Variants in DNAH5 observed in about 807,000 individuals in gnomAD.
The protein encoded by DNAH5 is axonemal beta dynein heavy chain 5.
In DNAH5, 372 loss-of-function variants were observed where a neutral mutation model predicts 518.2. The observed-to-expected ratio is 0.72, with a 90% CI of 0.66 to 0.78. DNAH5 has a LOEUF of 0.78. DNAH5 is among the 30% of genes least tolerant of loss of function. DNAH5 has a pLI of 0.00. For missense variants in DNAH5, 5,523 were observed against 5,687.0 expected (o/e 0.97, Z 0.93); for synonymous variants, 2,039 against 2,025.9 (o/e 1.01, Z -0.17).
intron 75 of DNAH5, among the ~76,000 whole-genome samples, chr5:13,713,184 C>T (rs1305680335): frequency 2.2e-5 from 3 of 136,244 alleles, no homozygotes; most frequent in Admixed American, 1.5e-4. Context: ...TATATATATA[C>T]GGACATATAT....
chr5:13,779,040 A>G (rs1255988920), intron 53 of DNAH5, among the ~76,000 whole-genome samples: 1 of 152,228 alleles, frequency 6.6e-6, no homozygotes, highest in Non-Finnish European at 1.5e-5. Flanking sequence ...GGCAAGCCAT[A>G]GCCTCTCTGA....
intron 53 of DNAH5, among the ~76,000 whole-genome samples, chr5:13,777,736 C>A (rs975317752): frequency 9.9e-5 from 15 of 152,252 alleles, no homozygotes; most frequent in African/African-American, 3.1e-4. Flanking sequence ...ATAAATTAAA[C>A]TAAAATAAAT....
intron 52 of DNAH5, among the ~76,000 whole-genome samples, chr5:13,783,527 C>T (rs966437142): frequency 2.0e-5 from 3 of 152,106 alleles, no homozygotes; most frequent in Non-Finnish European, 4.4e-5. Context: ...ATTTGTTTAC[C>T]CATAAGCAGC....
intron 78 of DNAH5, among the ~76,000 whole-genome samples, chr5:13,696,059 A>G (rs1170896953): frequency 2.0e-5 from 3 of 152,110 alleles, no homozygotes; most frequent in African/African-American, 4.8e-5. Context: ...TCCCCACCCC[A>G]GGCCCAAATC....
In DNAH5 at chr5:13,820,284, T is replaced by C. The variant is rs1428571433; in HGVS notation, c.6841+62A>G. ...TCTGCCTGTGTATCCCTCTTGGGCATTCAAATGGGTCACCACTACTTAAAT... is the reference window on the plus strand; with the variant it reads ...TCTGCCTGTGTATCCCTCTTGGGCACTCAAATGGGTCACCACTACTTAAAT... On this transcript the variant is annotated intron_variant, in intron 41 of 78. Transcript: ENST00000265104. 2.5e-6 allele frequency: 4 copies of C among 1,577,684 alleles called. No individual in the cohort carries two copies. The East Asian group carries it at 8.9e-5, about 35-fold the overall frequency.
intron 52 of DNAH5, 83 bp downstream of exon 52, chr5:13,786,096 G>A (rs538487095): frequency 1.1e-4 from 146 of 1,367,358 alleles, no homozygotes; most frequent in Non-Finnish European, 2.7e-5. Flanking sequence ...CCTAGGAAAT[G>A]AAAATAAGAG....
At chr5:13,800,302 G>GA (rs1485103194) in intron 47 of DNAH5, among the ~76,000 whole-genome samples, 1 of 152,072 alleles carries the variant, frequency 6.6e-6, no homozygotes, top group Non-Finnish European at 1.5e-5. Context: ...GGGGCTGTTC[G>GA]AAAAAACTGT....
intron 60 of DNAH5, among the ~76,000 whole-genome samples, chr5:13,760,398 A>T (rs1329654389): frequency 6.6e-6 from 1 of 152,152 alleles, no homozygotes; most frequent in Non-Finnish European, 1.5e-5. Context: ...TTTTATGAGG[A>T]TTAAATAAGA....
chr5:13,893,551 T>G (rs2151952054), intron 16 of DNAH5, among the ~76,000 whole-genome samples: 1 of 152,224 alleles, frequency 6.6e-6, no homozygotes, highest in African/African-American at 2.4e-5. Context: ...CATCAATTTT[T>G]CCCCACGCAA....
chr5:13,837,462 G>A (rs1764548489), intron 35 of DNAH5, among the ~76,000 whole-genome samples: 1 of 151,864 alleles, frequency 6.6e-6, no homozygotes, highest in Non-Finnish European at 1.5e-5. Context: ...CAGTGGGGGT[G>A]TTGGCTTTGG....
intron 30 of DNAH5, among the ~76,000 whole-genome samples, chr5:13,857,194 C>G (rs1024515369): frequency 2.6e-5 from 4 of 152,174 alleles, no homozygotes; most frequent in Non-Finnish European, 4.4e-5. Flanking sequence ...GTGCAAAAAT[C>G]ACAAGCATTC....
chr5:13,967,574 T>G (rs1781607466), intron 1 of DNAH5, among the ~76,000 whole-genome samples: 1 of 152,254 alleles, frequency 6.6e-6, no homozygotes, highest in South Asian at 2.1e-4. Flanking sequence ...ATTTGATGAC[T>G]ATAGCCTTAT....
chr5:13,793,795 T>G, intron 48 of DNAH5, 67 bp from the exon 49 acceptor site: 6 of 1,578,614 alleles, frequency 3.8e-6, no homozygotes, highest in Non-Finnish European at 5.2e-6. Flanking sequence ...ACTCCTTGAG[T>G]GTTTCCAAAG....
intron 25 of DNAH5, 131 bp downstream of exon 25, chr5:13,867,643 A>G: frequency 1.2e-6 from 1 of 810,268 alleles, no homozygotes. Flanking sequence ...TCTCATGAAA[A>G]TAAAATTCCC....
intron 8 of DNAH5, 96 bp downstream of exon 8, chr5:13,917,047 T>C: frequency 1.0e-6 from 1 of 957,454 alleles, no homozygotes; most frequent in South Asian, 1.3e-5. Context: ...ACCTTTCCAA[T>C]GAACTGTAAT....
intron 1 of DNAH5, among the ~76,000 whole-genome samples, chr5:13,998,957 C>T (rs339963): frequency 0.89 from 135,113 of 152,208 alleles, 60,008 homozygotes; most frequent in East Asian, 0.96. Context: ...CTGCAACCTC[C>T]GCCTCCCAGG....
At position 13,911,342 on chromosome 5, in the gene DNAH5, A is replaced by T. The variant is rs374717654; in HGVS notation, c.1644+44T>A. 1.1e-5 allele frequency: 17 copies of T among 1,503,568 alleles called. No individual in the cohort carries two copies. In the East Asian group the frequency reaches 1.4e-4, roughly 12 times the overall value. 93.1% of individuals were successfully genotyped at this position (1,503,568 alleles called of 1,614,324 possible). On this transcript the variant is annotated intron_variant, in intron 12 of 78. Coordinates refer to ENST00000265104, the MANE Select transcript of DNAH5 (RefSeq NM_001369.3). ...TAACGGCATTATACAGAAAGGAAAA[A>T]ATAAACACACGACTGTCAACAGGAA...
intron 16 of DNAH5, 152 bp downstream of exon 16, chr5:13,894,498 C>T (rs749278506): frequency 1.8e-4 from 135 of 750,482 alleles, no homozygotes; most frequent in Admixed American, 7.3e-4. Flanking sequence ...TTACTGAATT[C>T]GCATGTTTTG....
rs373536906 is a variant in DNAH5 at position 13,718,886 on chromosome 5, A to C, written c.12495T>G (p.Tyr4165Ter). Reference sequence around the variant, plus strand: ...CGCAAGTATTTCTGGACTCACCACTATATGTTCTTTTCAGTCCTGCCCGGA... The same window carrying C: ...CGCAAGTATTTCTGGACTCACCACTCTATGTTCTTTTCAGTCCTGCCCGGA... ...QGLRAGLKRT[Y>*]SGVSQDLLDV... Residue 4165 changes from tyrosine (Y) to a stop codon, truncating the protein, a stop_gained, in exon 72 of 79, where the codon TAT becomes TAG. Transcript: ENST00000265104. LOFTEE classifies it high-confidence loss of function. The C allele has an allele frequency of 4.3e-6, 7 of 1,610,618 alleles. No individual in the cohort carries two copies. The African/African-American group carries it at 8.0e-5, about 18-fold the overall frequency.
Sources: gnomAD v4.1 joint callset for allele counts (sites outside exome capture counted in the v4.1 genomes callset) on GRCh38, gnomAD v4.1.1 for gene constraint, MANE v1.5 for transcripts, NCBI Gene and HGNC (gene_info 2026-07-23, HGNC 2026-07-21) for gene names.